The following JAK1 variants were observed in gnomAD, a reference collection of about 807,000 sequenced individuals.
The protein encoded by JAK1 is tyrosine-protein kinase JAK1.
A neutral mutation model predicts 136.6 loss-of-function variants in JAK1; 16 were observed. The observed-to-expected ratio is 0.12, with a 90% CI of 0.08 to 0.18. The LOEUF (loss-of-function observed/expected upper bound fraction) is 0.18. Among genes scored for constraint, JAK1 ranks in the 10% least tolerant of loss-of-function variants. The probability of loss-of-function intolerance (pLI) is 1.00; values close to 1 mark genes in which losing one functional copy is unlikely to be tolerated. For synonymous variants in JAK1, 492 were observed against 519.5 expected (o/e 0.95, Z 0.72); for missense variants, 859 against 1,450.1 (o/e 0.59, Z 6.62).
Position 64,894,975 on chromosome 1 carries a change from T to C in JAK1, c.-77-8634A>G, listed in dbSNP as rs535084377. 7.0e-4 allele frequency among the ~76,000 whole-genome samples: 106 copies of C among 152,234 alleles called. 4 individuals are homozygous for C. The South Asian group carries it at 0.02, about 29-fold the overall frequency. On this transcript the variant is annotated intron_variant, in intron 1 of 24. Transcript: ENST00000342505. Reference sequence around the variant, plus strand: ...CCTATCCATATAATGAGTAATGCACTTAGTCTTCACCAAGGCGGCAGCAGC... The same window carrying C: ...CCTATCCATATAATGAGTAATGCACCTAGTCTTCACCAAGGCGGCAGCAGC...
intron 1 of JAK1, among the ~76,000 whole-genome samples, chr1:64,930,984 A>G (rs1645680532): frequency 7.0e-6 from 1 of 143,412 alleles, no homozygotes; most frequent in African/African-American, 2.5e-5. Flanking sequence ...AACATCACAC[A>G]CCAGGGCCAG....
At chr1:64,847,864 G>A (rs1655337700) in intron 12 of JAK1, among the ~76,000 whole-genome samples, 189 bp from the exon 13 acceptor site, 1 of 152,080 alleles carries the variant, frequency 6.6e-6, no homozygotes, top group South Asian at 2.1e-4. Flanking sequence ...ACACAGTGGT[G>A]ACATTTGCTG....
At chr1:64,969,600 C>A (rs11208559), upstream of JAK1, among the ~76,000 whole-genome samples, 1 of 151,898 alleles carries the variant, frequency 6.6e-6, no homozygotes, top group Admixed American at 6.6e-5. Context: ...CGAGAGATGA[C>A]AGCCTATCTA....
At chr1:65,014,131 G>T (rs1315734519) in intron 2 of JAK1, among the ~76,000 whole-genome samples, 2 of 152,160 alleles carry the variant, frequency 1.3e-5, no homozygotes, top group East Asian at 3.9e-4. Context: ...GAAATTTAAA[G>T]AAATACAATA....
chr1:64,993,752 TC>T (rs1266516320), intron 2 of JAK1, among the ~76,000 whole-genome samples: 7 of 152,120 alleles, frequency 4.6e-5, no homozygotes. Flanking sequence ...TTCAAGCGAT[TC>T]TCCTCCCTCA....
chr1:65,029,514 G>T (rs1428662454), intron 2 of JAK1, among the ~76,000 whole-genome samples: 2 of 152,164 alleles, frequency 1.3e-5, no homozygotes, highest in Non-Finnish European at 2.9e-5. Flanking sequence ...ATATTCACAT[G>T]TATGTTCACT....
chr1:64,899,195 T>C (rs1645068781), intron 1 of JAK1, among the ~76,000 whole-genome samples: 1 of 152,204 alleles, frequency 6.6e-6, no homozygotes, highest in Non-Finnish European at 1.5e-5. Context: ...ATGTATTTAT[T>C]ACCTAGGACT....
Position 64,939,556 on chromosome 1 carries a change from G to A in JAK1, c.-78+26777C>T, listed in dbSNP as rs182863738. Among the ~76,000 whole-genome samples, 123 of 152,244 alleles carry A rather than the reference G, an allele frequency of 8.1e-4. 3 individuals are homozygous for A. The highest frequency in any genetic ancestry group is 5.9e-5 in the Non-Finnish European group (4 of 68,012). On this transcript the variant is annotated intron_variant, in intron 1 of 24. Transcript: ENST00000342505. Reference sequence around the variant, plus strand: ...AGGTATTTAATTTATCCAAATATTGGTTTCTTCATCTTTAAACAGGGATAA... The same window carrying A: ...AGGTATTTAATTTATCCAAATATTGATTTCTTCATCTTTAAACAGGGATAA...
chr1:64,840,485 C>G (rs567573814), intron 19 of JAK1, among the ~76,000 whole-genome samples: 2 of 152,264 alleles, frequency 1.3e-5, no homozygotes, highest in African/African-American at 4.8e-5. Context: ...ATTTAAGGTC[C>G]AAAGAAACGC....
chr1:64,870,090 G>A (rs1275488849), intron 5 of JAK1, among the ~76,000 whole-genome samples: 1 of 152,120 alleles, frequency 6.6e-6, no homozygotes, highest in Non-Finnish European at 1.5e-5. Context: ...CTAAAACAAG[G>A]CTAACCAGCA....
Position 64,864,961 on chromosome 1 carries a change from A to G in JAK1, c.1002T>C (p.Val334=). 6.2e-7 allele frequency: 1 copy of G among 1,611,426 alleles called. No homozygotes were observed. ...QWRHKPNVVS[V]EKEKNKLKRK... is the part of the protein sequence containing the mutation. ...GCTTCAGTTTATTTTTTTCCTTTTC[A>G]ACAGAAACAACCTGATAAGATACAT... is the stretch of plus-strand genomic sequence containing the variant. The change falls in exon 8 of 25, where the codon GTT becomes GTC. Residue 334 remains valine (V), a synonymous_variant. Coordinates refer to ENST00000342505, the MANE Select transcript of JAK1 (RefSeq NM_002227.4).
intron 1 of JAK1, among the ~76,000 whole-genome samples, chr1:64,938,028 C>A (rs567718563): frequency 5.9e-5 from 9 of 151,834 alleles, no homozygotes; most frequent in African/African-American, 2.2e-4. Context: ...TACAGGTGCC[C>A]GCCACCACAC....
intron 2 of JAK1, among the ~76,000 whole-genome samples, chr1:65,032,479 C>T (rs775369100): frequency 3.8e-4 from 58 of 151,840 alleles, no homozygotes; most frequent in Non-Finnish European, 7.8e-4. Context: ...ATGCCAATTT[C>T]GTAAATGGAA....
At chr1:64,951,293 G>A (rs1325881712) in intron 1 of JAK1, among the ~76,000 whole-genome samples, 1 of 152,178 alleles carries the variant, frequency 6.6e-6, no homozygotes. Flanking sequence ...ATTTTCATCA[G>A]ATTGGCAACT....
chr1:64,948,897 T>A (rs1165830138), intron 1 of JAK1, among the ~76,000 whole-genome samples: 2 of 152,174 alleles, frequency 1.3e-5, no homozygotes, highest in Non-Finnish European at 2.9e-5. Context: ...TTAGAAATAC[T>A]GCTCAGAATT....
chr1:65,062,804 C>A (rs1383986979), intron 1 of JAK1, among the ~76,000 whole-genome samples: 1 of 152,178 alleles, frequency 6.6e-6, no homozygotes, highest in African/African-American at 2.4e-5. Flanking sequence ...GTGGTCATTT[C>A]CACAAAATGC....
At position 64,984,001 on chromosome 1, in the gene JAK1, T is replaced by C. The variant is rs1428865869; in HGVS notation, c.-78+60479A>G. Among the ~76,000 whole-genome samples the C allele has an allele frequency of 6.6e-6, 1 of 152,204 alleles. No individual in the cohort carries two copies. Among genetic ancestry groups the C allele is most frequent in the African/African-American group, 2.4e-5 (1 of 41,450 alleles). On this transcript the variant is annotated intron_variant, in intron 2 of 25. Transcript: ENST00000671954. The surrounding 1 kb of genome is among the most constrained non-coding windows in gnomAD (Gnocchi z 4.1). ...ACATTTCTCCCTAAATTCTCCTTAT[T>C]GCACCTTAACCGCTCCAGCATCAAA...
chr1:64,891,200 C>A (rs1434583216), intron 1 of JAK1, among the ~76,000 whole-genome samples: 2 of 152,068 alleles, frequency 1.3e-5, no homozygotes, highest in Admixed American at 6.5e-5. Flanking sequence ...GTTAGGCACT[C>A]GCACTTAATT....
At chr1:64,914,349 A>G (rs1645354952) in intron 1 of JAK1, among the ~76,000 whole-genome samples, 1 of 152,220 alleles carries the variant, frequency 6.6e-6, no homozygotes, top group African/African-American at 2.4e-5. Context: ...GCTTCAAATA[A>G]AAGGTTTAAG....
Sources: gnomAD v4.1 joint callset for allele counts (sites outside exome capture counted in the v4.1 genomes callset) on GRCh38, gnomAD v4.1.1 for gene constraint, Gnocchi (gnomAD v3.1) non-coding constraint, MANE v1.5 for transcripts, NCBI Gene and HGNC (gene_info 2026-07-23, HGNC 2026-07-21) for gene names.